The following CREBBP variants were observed in gnomAD, a reference collection of about 807,000 sequenced individuals.
CREBBP encodes the protein CREB binding lysine acetyltransferase.
Under a neutral mutation model 265.0 loss-of-function variants are expected in CREBBP, and 19 were observed. The ratio of observed to expected loss-of-function variants is 0.07; its 90% CI spans 0.05 to 0.11. CREBBP has a LOEUF of 0.11. CREBBP is among the 10% of genes least tolerant of loss of function. The pLI, the probability that CREBBP is intolerant of heterozygous loss-of-function variation, is 1.00. For synonymous variants in CREBBP, 1,457 were observed against 1,223.7 expected (o/e 1.19, Z -3.98); for missense variants, 2,525 against 3,219.0 (o/e 0.78, Z 5.22).
intron 1 of CREBBP, among the ~76,000 whole-genome samples, chr16:3,867,757 TAAAAAAAA>T (rs756198312): frequency 3.1e-3 from 292 of 94,534 alleles, no homozygotes; most frequent in African/African-American, 0.011. Context: ...GTATCTCTAC[TAAAAAAAA>T]AAAAAAAAAA....
At chr16:3,794,986 T>C (rs925184736) in intron 3 of CREBBP, among the ~76,000 whole-genome samples, 3 of 152,322 alleles carry the variant, frequency 2.0e-5, no homozygotes, top group Non-Finnish European at 4.4e-5. Context: ...GAGAAAACTA[T>C]ACAAATAATT....
intron 5 of CREBBP, among the ~76,000 whole-genome samples, chr16:3,785,888 C>T (rs1020758246): frequency 2.0e-5 from 3 of 152,220 alleles, no homozygotes; most frequent in Non-Finnish European, 4.4e-5. Context: ...GGCAACACTC[C>T]TGTCCCGGAT....
At position 3,729,182 on chromosome 16, in the gene CREBBP, C is replaced by T. The variant is rs554810606; in HGVS notation, c.5865G>A (p.Ala1955=). The change falls in exon 31 of 31, where the codon GCG becomes GCA. Residue 1955 remains alanine (A), a synonymous_variant. Coordinates refer to ENST00000262367, the MANE Select transcript of CREBBP (RefSeq NM_004380.3). ...PPPPAQPPPA[A]VEAARQIERE... ...GCTCGATCTGCCGAGCCGCTTCCAC[C>T]GCTGCAGGAGGGGGCTGGGCCGGGG... is the stretch of plus-strand genomic sequence containing the variant. 5.7e-4 allele frequency: 870 copies of T among 1,529,464 alleles called. 1 individual carries two copies. The highest frequency in any genetic ancestry group is 6.6e-4 in the Non-Finnish European group (749 of 1,143,004). 94.7% of individuals were successfully genotyped at this position (1,529,464 alleles called of 1,614,324 possible). A position where few individuals can be genotyped will look rare whatever the true frequency, so the allele number is the denominator to read the frequency against.
intron 3 of CREBBP, among the ~76,000 whole-genome samples, chr16:3,796,387 C>CTT (rs796743710): frequency 5.0e-4 from 70 of 139,294 alleles, no homozygotes; most frequent in Admixed American, 1.1e-3. Flanking sequence ...CTGGCTTGTA[C>CTT]TTTTTTTTTT....
chr16:3,809,241 G>C (rs569005069), intron 3 of CREBBP, among the ~76,000 whole-genome samples: 1 of 151,430 alleles, frequency 6.6e-6, no homozygotes, highest in Non-Finnish European at 1.5e-5. Flanking sequence ...GCAGTGGCGC[G>C]ATCTCCGCTC....
chr16:3,801,815 C>A (rs757291531), intron 3 of CREBBP, among the ~76,000 whole-genome samples: 4 of 152,032 alleles, frequency 2.6e-5, no homozygotes, highest in African/African-American at 7.3e-5. Context: ...GTTTCTGGAG[C>A]GAGGATCATT....
chr16:3,765,618 T>C (rs908381668), intron 16 of CREBBP, among the ~76,000 whole-genome samples: 5 of 152,234 alleles, frequency 3.3e-5, no homozygotes, highest in African/African-American at 1.2e-4. Context: ...GGAAAACTTG[T>C]ACATGGGCTT....
rs1481703137 is a variant in CREBBP at position 3,728,937 on chromosome 16, C to T, written c.6110G>A (p.Arg2037Lys). ...CTGGGCCTGCATGGATATCACAGGC[C>T]TGGGCAAGCCTGGCATGGGCTGCTG... ...PQQQPMPGLPRPVISMQAQAA... is the reference protein window; with the variant it reads ...PQQQPMPGLPKPVISMQAQAA... Residue 2037 changes from arginine (R) to lysine (K), a missense_variant, in exon 31 of 31, where the codon AGG (arginine) becomes AAG (lysine). Around this residue, in one of 19 missense-constraint regions of CREBBP, gnomAD observed 275 missense variants for 276.5 expected, o/e 0.99. Transcript: ENST00000262367. This position sits in a 1 kb window ranked among gnomAD's most constrained non-coding sequence, Gnocchi z 8.7. The T allele has an allele frequency of 1.2e-6, 2 of 1,601,352 alleles. No individual in the cohort carries two copies. The highest frequency in any genetic ancestry group is 3.4e-5 in the Admixed American group (2 of 59,130).
intron 1 of CREBBP, among the ~76,000 whole-genome samples, chr16:3,851,305 T>TAAAAAAA (rs2054830531): frequency 2.9e-5 from 2 of 69,002 alleles, no homozygotes; most frequent in South Asian, 4.4e-4. Flanking sequence ...AAAAAAAAAA[T>TAAAAAAA]TAAAAAAAAA....
chr16:3,867,469 G>T (rs1430942281), intron 1 of CREBBP, among the ~76,000 whole-genome samples: 2 of 151,980 alleles, frequency 1.3e-5, no homozygotes, highest in African/African-American at 4.8e-5. Flanking sequence ...TTCAGCTTAA[G>T]TGACAGAGCA....
chr16:3,727,651 A>G lies in CREBBP; in HGVS notation c.*67T>C. The stretch of plus-strand genomic sequence containing the variant: ...TTCCATCTAGGAATAAAAAGAACCT[A>G]GATGCCTGGATTTTCAGTACAAAAG... On this transcript the variant is annotated 3_prime_UTR_variant, in exon 31 of 31. Coordinates refer to ENST00000262367, the MANE Select transcript of CREBBP (RefSeq NM_004380.3). The G allele has an allele frequency of 6.2e-7, 1 of 1,613,444 alleles. No individual in the cohort carries two copies. Among genetic ancestry groups the G allele is most frequent in the Non-Finnish European group, 8.5e-7 (1 of 1,179,984 alleles).
At chr16:3,822,051 T>TCA (rs751382586) in intron 2 of CREBBP, among the ~76,000 whole-genome samples, 19 of 151,830 alleles carry the variant, frequency 1.3e-4, no homozygotes, top group Admixed American at 5.2e-4. Context: ...CAAGACTCTG[T>TCA]CACACACACA....
chr16:3,736,337 C>T (rs2052059681), intron 27 of CREBBP, 134 bp from the exon 28 acceptor site: 1 of 943,290 alleles, frequency 1.1e-6, no homozygotes, highest in Non-Finnish European at 1.7e-6. Context: ...CCCCCCACCA[C>T]AGTGCAGCAG....
chr16:3,814,985 A>T (rs1035938421), intron 2 of CREBBP, among the ~76,000 whole-genome samples: 1 of 152,174 alleles, frequency 6.6e-6, no homozygotes, highest in Non-Finnish European at 1.5e-5. Context: ...TCCTGGTGCC[A>T]AACCACCTCC....
chr16:3,851,245 G>A (rs968171907), intron 1 of CREBBP, among the ~76,000 whole-genome samples: 2 of 130,630 alleles, frequency 1.5e-5, no homozygotes, highest in Non-Finnish European at 3.1e-5. Context: ...CCAAGATCAC[G>A]CCATTGCACT....
chr16:3,869,399 T>C (rs756277442), intron 1 of CREBBP, among the ~76,000 whole-genome samples: 9 of 152,368 alleles, frequency 5.9e-5, no homozygotes, highest in African/African-American at 1.9e-4. Flanking sequence ...GTGAATATTT[T>C]TGAAGGAGTC....
chr16:3,822,836 C>T (rs923024742), intron 2 of CREBBP, among the ~76,000 whole-genome samples: 16 of 152,114 alleles, frequency 1.1e-4, no homozygotes, highest in Non-Finnish European at 2.1e-4. Context: ...GTGATGTCAG[C>T]GAGGAGACAA....
At chr16:3,851,204 C>G (rs1275765841) in intron 1 of CREBBP, among the ~76,000 whole-genome samples, 195 bp from the exon 2 acceptor site, 4 of 148,422 alleles carry the variant, frequency 2.7e-5, no homozygotes, top group Non-Finnish European at 4.4e-5. Flanking sequence ...AGGAGAATAG[C>G]TTGAACCCGG....
In CREBBP at chr16:3,777,852, C is replaced by G. The variant is rs548411435; in HGVS notation, c.2113+159G>C. ...CCAAGAGAGAAACTCAGTGTCCCAA[C>G]ACAGCCTGAGGCAGGTGGTCAGGGC... On this transcript the variant is annotated intron_variant, in intron 10 of 30. Transcript: ENST00000262367. The G allele has an allele frequency of 2.9e-5, 32 of 1,094,400 alleles. 1 individual carries two copies. In the South Asian group the frequency reaches 4.2e-4, roughly 14 times the overall value. The allele number at this position is 1,094,400 out of a possible 1,614,324, so 67.8% of individuals were successfully genotyped here. A position where few individuals can be genotyped will look rare whatever the true frequency, so the allele number is the denominator to read the frequency against.
Sources: allele counts gnomAD v4.1 joint callset (sites outside exome capture counted in the v4.1 genomes callset), GRCh38; gene constraint gnomAD v4.1.1; regional missense constraint gnomAD v4.1.1; non-coding constraint Gnocchi (gnomAD v3.1); transcripts MANE v1.5; gene names NCBI Gene and HGNC (gene_info 2026-07-23, HGNC 2026-07-21).